SDK2: variants seen among roughly 807,000 people sequenced by gnomAD.
The protein encoded by SDK2 is protein sidekick-2.
A neutral mutation model predicts 253.9 loss-of-function variants in SDK2; 105 were observed. That is an observed-to-expected ratio of 0.41 (90% CI 0.35 to 0.49). The LOEUF (loss-of-function observed/expected upper bound fraction) is 0.49, where lower values mean the gene tolerates loss of function less well. Ranked by LOEUF, SDK2 falls within the 20% of genes least tolerant of loss-of-function variation. The pLI is 0.06. For missense variants in SDK2, 2,608 were observed against 3,003.0 expected, an observed-to-expected ratio of 0.87 and a Z score of 3.07; for synonymous variants, 1,249 against 1,234.9, an observed-to-expected ratio of 1.01 and a Z score of -0.24.
chr17:73,576,819 C>T (rs1208902892), intron 1 of SDK2, among the ~76,000 whole-genome samples: 4 of 152,200 alleles, frequency 2.6e-5, no homozygotes, highest in African/African-American at 9.7e-5. Flanking sequence ...AACTACCTTG[C>T]TCTGCTATGG....
chr17:73,542,615 C>T (rs114567807), intron 1 of SDK2, among the ~76,000 whole-genome samples: 1,576 of 152,130 alleles, frequency 0.01, 30 homozygotes, highest in African/African-American at 0.037. Context: ...GGGGTGGAGG[C>T]AGGGCAGGAT....
rs563347171 is a variant in SDK2 at position 73,452,008 on chromosome 17, T to C, written c.479+3898A>G. 2.0e-5 allele frequency among the ~76,000 whole-genome samples: 3 copies of C among 152,264 alleles called. No homozygotes were observed. In the South Asian group the frequency reaches 6.2e-4, roughly 32 times the overall value. On this transcript the variant is annotated intron_variant, in intron 4 of 44. Coordinates refer to ENST00000392650, the MANE Select transcript of SDK2 (RefSeq NM_001144952.2). ...TACTAGGCTTTTGCTATGGCTCTGA[T>C]TGGCCCAGCCCTGCCCTCCCTTCCC...
chr17:73,603,911 T>C (rs1266832793), intron 1 of SDK2, among the ~76,000 whole-genome samples: 1 of 152,068 alleles, frequency 6.6e-6, no homozygotes, highest in East Asian at 1.9e-4. Context: ...ACAATGAGTG[T>C]CCTCTTAGCA....
In SDK2 at chr17:73,380,821, C is replaced by G; in HGVS notation, c.4762+73G>C. On this transcript the variant is annotated intron_variant, in intron 34 of 44. Coordinates refer to ENST00000392650, the MANE Select transcript of SDK2 (RefSeq NM_001144952.2). ...ACCCCCTCAACCTGTGATCAGGTCT[C>G]TCAAGGAGGCCCCACTCCCAATCCC... The G allele has an allele frequency of 2.9e-6, 4 of 1,363,794 alleles. No individual in the cohort carries two copies. In the South Asian group the frequency reaches 3.7e-5, roughly 13 times the overall value. 84.5% of individuals were successfully genotyped at this position (1,363,794 alleles called of 1,614,324 possible).
chr17:73,552,570 A>C (rs2045079177), intron 1 of SDK2, among the ~76,000 whole-genome samples: 1 of 152,140 alleles, frequency 6.6e-6, no homozygotes, highest in South Asian at 2.1e-4. Flanking sequence ...ATCATGAGCC[A>C]CTTAGATTAG....
At chr17:73,530,315 A>G (rs1367972829) in intron 1 of SDK2, among the ~76,000 whole-genome samples, 3 of 152,224 alleles carry the variant, frequency 2.0e-5, no homozygotes, top group Non-Finnish European at 1.5e-5. Context: ...GAAGCAAGGC[A>G]CGTCTTACAT....
intron 32 of SDK2, among the ~76,000 whole-genome samples, chr17:73,385,008 G>A (rs2145482114): frequency 6.6e-6 from 1 of 152,322 alleles, no homozygotes; most frequent in South Asian, 2.1e-4. Context: ...CTCTCCTTGA[G>A]CTGTGTGTCT....
intron 1 of SDK2, among the ~76,000 whole-genome samples, chr17:73,553,141 G>A (rs1036694775): frequency 1.4e-4 from 21 of 152,206 alleles, no homozygotes; most frequent in South Asian, 4.1e-4. Context: ...CCCACTCTGG[G>A]CATGGAGGTG....
intron 1 of SDK2, among the ~76,000 whole-genome samples, chr17:73,526,198 G>A (rs1488386721): frequency 6.6e-6 from 1 of 152,206 alleles, no homozygotes; most frequent in Non-Finnish European, 1.5e-5. Flanking sequence ...GCAAGGAACG[G>A]TGGCTTCTGG....
rs116809266 is a variant in SDK2, at chr17:73,355,873, G to A, written c.5593+2206C>T. On this transcript the variant is annotated intron_variant, in intron 40 of 44. Coordinates refer to ENST00000392650, the MANE Select transcript of SDK2 (RefSeq NM_001144952.2). ...CTTCATGCCTTGAAATTTTAGTACTGGGGTACAAATCCATTTTCCTCACAT... is the reference window on the plus strand; with the variant it reads ...CTTCATGCCTTGAAATTTTAGTACTAGGGTACAAATCCATTTTCCTCACAT... Among the ~76,000 whole-genome samples the A allele has an allele frequency of 4.4e-3, 674 of 152,186 alleles. 6 individuals are homozygous for A. The highest frequency in any genetic ancestry group is 0.015 in the African/African-American group (640 of 41,512).
At chr17:73,599,069 T>C (rs2143038083) in intron 1 of SDK2, among the ~76,000 whole-genome samples, 1 of 152,296 alleles carries the variant, frequency 6.6e-6, no homozygotes, top group East Asian at 1.9e-4. Context: ...AGTTACCCCT[T>C]TTCTTGTTTT....
chr17:73,401,866 T>C, intron 19 of SDK2, 80 bp downstream of exon 19: 2 of 1,391,092 alleles, frequency 1.4e-6, no homozygotes, highest in Non-Finnish European at 2.0e-6. Flanking sequence ...GAGACAAGCC[T>C]GGGCCACCCT....
chr17:73,543,708 C>G (rs917164466), intron 1 of SDK2, among the ~76,000 whole-genome samples: 1 of 152,244 alleles, frequency 6.6e-6, no homozygotes, highest in African/African-American at 2.4e-5. Context: ...GGCCAGCCTC[C>G]CACCCTCTTC....
intron 10 of SDK2, among the ~76,000 whole-genome samples, chr17:73,433,041 A>G (rs1183562337): frequency 6.6e-6 from 1 of 152,110 alleles, no homozygotes; most frequent in Non-Finnish European, 1.5e-5. Context: ...AGCCACCACT[A>G]GAATAATATT....
chr17:73,508,930 C>T (rs1443020804), intron 1 of SDK2, among the ~76,000 whole-genome samples: 1 of 152,254 alleles, frequency 6.6e-6, no homozygotes, highest in Non-Finnish European at 1.5e-5. Context: ...CAACAGCTCA[C>T]CTAGTGAGCA....
chr17:73,438,148 C>A lies in SDK2; in HGVS notation c.732G>T (p.Leu244=). ...TCTTCCAAATGATATGTAGCTTGAT[C>A]AGGGGCCTGCAGAGGGCAAGGGAAG... ...TLECVANARP[L]IKLHIIWKKD... Residue 244 remains leucine (L), a synonymous_variant, in exon 7 of 45, where the codon CTG becomes CTT. Coordinates refer to ENST00000392650, the MANE Select transcript of SDK2 (RefSeq NM_001144952.2). The A allele has an allele frequency of 6.4e-7, 1 of 1,550,404 alleles. No individual in the cohort carries two copies. The highest frequency in any genetic ancestry group is 1.2e-5 in the South Asian group (1 of 83,926).
At chr17:73,374,901 G>C (rs879826176) in intron 36 of SDK2, among the ~76,000 whole-genome samples, 1 of 152,100 alleles carries the variant, frequency 6.6e-6, no homozygotes, top group Non-Finnish European at 1.5e-5. Context: ...CATAGCTTCT[G>C]GGCTTTCCCC....
At chr17:73,438,287 T>C (rs551459003) in intron 6 of SDK2, 133 bp from the exon 7 acceptor site, 51 of 751,664 alleles carry the variant, frequency 6.8e-5, no homozygotes, top group African/African-American at 6.3e-4. Flanking sequence ...TGCCACTTTG[T>C]AGATGCAAGA....
At chr17:73,515,048 C>T (rs538397682) in intron 1 of SDK2, among the ~76,000 whole-genome samples, 23 of 152,328 alleles carry the variant, frequency 1.5e-4, no homozygotes, top group South Asian at 1.0e-3. Flanking sequence ...AACCATGGAA[C>T]TTTCTATCCA....
Sources: allele counts gnomAD v4.1 joint callset (sites outside exome capture counted in the v4.1 genomes callset), GRCh38; gene constraint gnomAD v4.1.1; transcripts MANE v1.5; gene names NCBI Gene and HGNC (gene_info 2026-07-23, HGNC 2026-07-21).